Variants in DOCK5 observed in about 807,000 individuals in gnomAD.
DOCK5 encodes the protein dedicator of cytokinesis 5.
A neutral mutation model predicts 251.8 loss-of-function variants in DOCK5; 142 were observed. That is an observed-to-expected ratio of 0.56 (90% confidence interval 0.49 to 0.65). The LOEUF (loss-of-function observed/expected upper bound fraction) is 0.65. DOCK5 is among the 30% of genes least tolerant of loss of function. The pLI, the probability that DOCK5 is intolerant of heterozygous loss-of-function variation, is 0.00. For missense variants in DOCK5, 2,111 were observed against 2,312.3 expected (o/e 0.91, Z 1.79); for synonymous variants, 842 against 835.5 (o/e 1.01, Z -0.13).
chr8:25,341,755 A>T lies in DOCK5; in HGVS notation c.2456A>T (p.Tyr819Phe). Reference protein sequence around the residue: ...AVKIKGAALKYLPSIINDVKL... With the variant: ...AVKIKGAALKFLPSIINDVKL... ...TTCTTACAGGGGGCAGCTTTGAAGTACCTTCCTAGCATAATTAATGATGTC... is the reference window on the plus strand; with the variant it reads ...TTCTTACAGGGGGCAGCTTTGAAGTTCCTTCCTAGCATAATTAATGATGTC... Residue 819 changes from tyrosine (Y) to phenylalanine (F), a missense_variant, in exon 24 of 52, where the codon TAC (tyrosine) becomes TTC (phenylalanine). Physicochemically the swap from Tyr to Phe is conservative, Grantham distance 22. Transcript: ENST00000276440. The T allele has an allele frequency of 6.3e-7, 1 of 1,578,570 alleles. No homozygotes were observed. The highest frequency in any genetic ancestry group is 1.8e-5 in the Admixed American group (1 of 54,502).
At chr8:25,240,216 T>C (rs1802907519) in intron 1 of DOCK5, among the ~76,000 whole-genome samples, 1 of 151,970 alleles carries the variant, frequency 6.6e-6, no homozygotes, top group Admixed American at 6.6e-5. Flanking sequence ...AAGGGAGTTC[T>C]TTTTTCCTGG....
intron 47 of DOCK5, 67 bp from the exon 48 acceptor site, chr8:25,403,491 C>A: frequency 6.5e-7 from 1 of 1,544,342 alleles, no homozygotes; most frequent in Non-Finnish European, 8.9e-7. Flanking sequence ...GCAAACAGGG[C>A]AGCTGTGGCC....
At chr8:25,348,290 TA>T (rs1197005307) in intron 26 of DOCK5, among the ~76,000 whole-genome samples, 1 of 152,224 alleles carries the variant, frequency 6.6e-6, no homozygotes, top group Non-Finnish European at 1.5e-5. Context: ...CCAGCTGCAG[TA>T]AGCACCTCTG....
At chr8:25,227,629 T>C (rs982317462) in intron 1 of DOCK5, among the ~76,000 whole-genome samples, 3 of 152,202 alleles carry the variant, frequency 2.0e-5, no homozygotes, top group Admixed American at 2.0e-4. Flanking sequence ...TTTTTCCTTC[T>C]TATGACGTTT....
chr8:25,382,800 TC>T (rs772066156), intron 40 of DOCK5, 22 bp downstream of exon 40: 2 of 1,579,086 alleles, frequency 1.3e-6, no homozygotes, highest in East Asian at 4.5e-5. Context: ...GATGGTGGTC[TC>T]CCAGGCCATT....
At chr8:25,302,533 ACATGGAACTAGCAAATGAT>A in intron 10 of DOCK5, 79 bp downstream of exon 10, 1 of 1,419,604 alleles carries the variant, frequency 7.0e-7, no homozygotes, top group South Asian at 1.5e-5. Flanking sequence ...AAAAAATTAA[ACATGGAACTAGCAAATGAT>A]CCAGCTGCCC....
In DOCK5 at chr8:25,304,300, A is replaced by C; in HGVS notation, c.1022A>C (p.Glu341Ala). 6.2e-7 allele frequency: 1 copy of C among 1,610,982 alleles called. No individual in the cohort carries two copies. Among genetic ancestry groups the C allele is most frequent in the Non-Finnish European group, 8.5e-7 (1 of 1,178,696 alleles). Residue 341 changes from glutamate (E) to alanine (A), a missense_variant, in exon 11 of 52, where the codon GAA becomes GCA. By Grantham distance (107) the Glu-to-Ala change is moderately radical. This residue lies in a region of DOCK5 where 1,717 missense variants were observed against 1,892.4 expected (regional missense o/e 0.91). Transcript: ENST00000276440. Reference protein sequence around the residue: ...DIIHGKVDDEEKQHFIPFQQI... With the variant: ...DIIHGKVDDEAKQHFIPFQQI... ...ATACATGGGAAGGTGGATGATGAAG[A>C]AAAGCAGCATTTTATTCCCTTTCAG... is the stretch of plus-strand genomic sequence containing the variant.
chr8:25,188,005 A>G (rs1056732688), intron 1 of DOCK5, among the ~76,000 whole-genome samples: 1 of 152,178 alleles, frequency 6.6e-6, no homozygotes. Flanking sequence ...GTGGTTTTGT[A>G]TTCCTAGCAC....
intron 26 of DOCK5, among the ~76,000 whole-genome samples, chr8:25,350,423 G>A (rs17053430): frequency 0.049 from 7,482 of 152,090 alleles, 596 homozygotes; most frequent in African/African-American, 0.17. Flanking sequence ...GAAAGAATGT[G>A]TACATCAGCC....
At chr8:25,196,805 T>C (rs1035288608) in intron 1 of DOCK5, among the ~76,000 whole-genome samples, 1 of 152,196 alleles carries the variant, frequency 6.6e-6, no homozygotes, top group Non-Finnish European at 1.5e-5. Context: ...TTTAGTACTT[T>C]CAAAAGAATT....
At chr8:25,273,234 C>A (rs1451223375) in intron 3 of DOCK5, among the ~76,000 whole-genome samples, 1 of 152,134 alleles carries the variant, frequency 6.6e-6, no homozygotes, top group Non-Finnish European at 1.5e-5. Context: ...TTGCTATATT[C>A]ATCAGATGTT....
chr8:25,390,420 A>G (rs1303788279), intron 42 of DOCK5, 133 bp downstream of exon 42: 5 of 716,772 alleles, frequency 7.0e-6, no homozygotes, highest in Non-Finnish European at 8.9e-6. Flanking sequence ...CAGCCTGGGC[A>G]ACAAAGTGGG....
intron 1 of DOCK5, 71 bp from the exon 2 acceptor site, chr8:25,243,603 A>G: frequency 6.9e-7 from 1 of 1,441,350 alleles, no homozygotes. Context: ...TGCTGAGATT[A>G]TAGGCGTGAG....
intron 2 of DOCK5, among the ~76,000 whole-genome samples, chr8:25,266,920 A>G (rs1327788682): frequency 2.0e-5 from 3 of 152,224 alleles, no homozygotes; most frequent in African/African-American, 4.8e-5. Flanking sequence ...TACTGTTTAC[A>G]AACGTACAGA....
intron 47 of DOCK5, among the ~76,000 whole-genome samples, chr8:25,403,211 G>T (rs916203029): frequency 7.2e-5 from 11 of 152,180 alleles, no homozygotes; most frequent in African/African-American, 2.7e-4. Flanking sequence ...AAGACTGAAA[G>T]CAGCTGAGCT....
chr8:25,396,763 C>CGTGTGTGTGT lies in DOCK5; in HGVS notation c.4704+1071_4704+1080dup, dbSNP rs5890230. 2.4e-3 allele frequency among the ~76,000 whole-genome samples: 350 copies of CGTGTGTGTGT among 147,208 alleles called. 1 individual carries two copies. Among genetic ancestry groups the CGTGTGTGTGT allele is most frequent in the Middle Eastern group, 0.01 (3 of 288 alleles). ...ATTAATTGGGTGGCACTCTTGTGTCCGTGTGTGTGTGTGTGTGTGTGTGTG... is the reference window on the plus strand; with the variant it reads ...ATTAATTGGGTGGCACTCTTGTGTCCGTGTGTGTGTGTGTGTGTGTGTGTGTGTGTGTGTG... On this transcript the variant is annotated intron_variant, in intron 45 of 51. Coordinates refer to ENST00000276440, the MANE Select transcript of DOCK5 (RefSeq NM_024940.8).
chr8:25,401,683 G>A (rs562814595), intron 47 of DOCK5, among the ~76,000 whole-genome samples: 30 of 151,498 alleles, frequency 2.0e-4, no homozygotes, highest in Admixed American at 5.9e-4. Context: ...TCATTGAGCC[G>A]AGATCACACC....
At chr8:25,222,470 T>G (rs1169968001) in intron 1 of DOCK5, among the ~76,000 whole-genome samples, 1 of 152,194 alleles carries the variant, frequency 6.6e-6, no homozygotes. Flanking sequence ...CTTTATTTTC[T>G]GAGCCGTTGA....
At chr8:25,329,924 C>T (rs1249281047) in intron 18 of DOCK5, among the ~76,000 whole-genome samples, 1 of 152,206 alleles carries the variant, frequency 6.6e-6, no homozygotes, top group Non-Finnish European at 1.5e-5. Flanking sequence ...CCCCGTGTCA[C>T]TGCTCTCCTG....
Sources: gnomAD v4.1 joint callset for allele counts (sites outside exome capture counted in the v4.1 genomes callset) on GRCh38, gnomAD v4.1.1 for gene constraint, gnomAD v4.1.1 regional missense constraint, MANE v1.5 for transcripts, NCBI Gene and HGNC (gene_info 2026-07-23, HGNC 2026-07-21) for gene names.